Variants in THNSL1 observed in about 807,000 individuals in gnomAD.
The protein encoded by THNSL1 is threonine synthase like 1, also known as threonine synthase-like 1.
A neutral mutation model predicts 50.4 loss-of-function variants in THNSL1; 48 were observed. The observed-to-expected ratio is 0.95, with a 90% CI of 0.76 to 1.21. THNSL1 has a LOEUF of 1.21. Among genes scored for constraint, THNSL1 ranks in the 50% most tolerant of loss-of-function variants. THNSL1 has a pLI of 0.00. For missense variants in THNSL1, 896 were observed against 871.7 expected (o/e 1.03, Z -0.35); for synonymous variants, 309 against 306.1 (o/e 1.01, Z -0.10).
the THNSL1 span, chr10:24,984,797 T>G: frequency 6.2e-7 from 1 of 1,613,966 alleles, no homozygotes; most frequent in African/African-American, 1.3e-5. Flanking sequence ...TCTAGTTGTT[T>G]CATTTCTTCT....
At chr10:24,957,464 ATGTTTGTTTGTTTGTT>A in the THNSL1 span, among the ~76,000 whole-genome samples, 2 of 150,588 alleles carry the variant, frequency 1.3e-5, no homozygotes, top group South Asian at 2.1e-4. Flanking sequence ...TTTTGAGTTG[ATGTTTGTTTGTTTGTT>A]TGTTTGTTTG....
the THNSL1 span, among the ~76,000 whole-genome samples, chr10:24,957,442 T>C: frequency 6.6e-6 from 1 of 150,708 alleles, no homozygotes; most frequent in Non-Finnish European, 1.5e-5. Flanking sequence ...AGGTTTTACA[T>C]GGCAGTCTTT....
In THNSL1 at chr10:25,023,949, T is replaced by C. The variant is rs1273862201; in HGVS notation, c.726T>C (p.Cys242=). The C allele has an allele frequency of 6.2e-7, 1 of 1,614,184 alleles. No individual in the cohort carries two copies. Among genetic ancestry groups the C allele is most frequent in the Non-Finnish European group, 8.5e-7 (1 of 1,180,016 alleles). The change falls in exon 3 of 3, where the codon TGT becomes TGC. Residue 242 remains cysteine (C), a synonymous_variant. Transcript: ENST00000376356. ...ISTRHVWPED[C]EQKVSAKFFS... is the part of the protein sequence containing the mutation. ...CAAGACACGTTTGGCCTGAAGACTG[T>C]GAACAGAAGGTTTCAGCAAAATTCT...
chr10:24,984,076 TCTC>T, the THNSL1 span: 1 of 337,482 alleles, frequency 3.0e-6, no homozygotes, highest in Non-Finnish European at 5.3e-6. Flanking sequence ...AGGAGGCTAT[TCTC>T]CTTAATCATC....
the THNSL1 span, among the ~76,000 whole-genome samples, chr10:24,973,793 G>T: frequency 6.6e-6 from 1 of 151,616 alleles, no homozygotes. Flanking sequence ...TCCCTCTTTC[G>T]CCCAGGCTGG....
At chr10:25,002,087 C>T in the THNSL1 span, among the ~76,000 whole-genome samples, 1 of 151,998 alleles carries the variant, frequency 6.6e-6, no homozygotes, top group Non-Finnish European at 1.5e-5. Context: ...AGGGTAATTC[C>T]ACAAGTGCTT....
At chr10:25,022,362 A>T (rs548862651) in intron 2 of THNSL1, among the ~76,000 whole-genome samples, 8 of 152,300 alleles carry the variant, frequency 5.3e-5, no homozygotes, top group African/African-American at 1.9e-4. Flanking sequence ...CTCTCCACTG[A>T]TGATTATAGG....
the THNSL1 span, among the ~76,000 whole-genome samples, chr10:24,976,192 G>A: frequency 8.8e-4 from 134 of 152,342 alleles, no homozygotes; most frequent in Middle Eastern, 0.027. Context: ...GGCGAGAAGT[G>A]TACAGTTTGC....
chr10:25,005,635 A>C, the THNSL1 span, among the ~76,000 whole-genome samples: 1 of 152,228 alleles, frequency 6.6e-6, no homozygotes, highest in Non-Finnish European at 1.5e-5. Context: ...TTTTACACGT[A>C]CACAGATATC....
the THNSL1 span, chr10:24,990,458 C>T: frequency 6.2e-7 from 1 of 1,609,516 alleles, no homozygotes. Flanking sequence ...TGGCAGAACA[C>T]ACACCTGCAA....
At chr10:24,977,031 C>T in the THNSL1 span, among the ~76,000 whole-genome samples, 1 of 152,094 alleles carries the variant, frequency 6.6e-6, no homozygotes. Flanking sequence ...AAAACATAGG[C>T]ATTAAAAATC....
At chr10:24,987,513 G>A in the THNSL1 span, among the ~76,000 whole-genome samples, 7 of 152,118 alleles carry the variant, frequency 4.6e-5, no homozygotes, top group Non-Finnish European at 7.4e-5. Flanking sequence ...GCCAGGCATG[G>A]TGGTATCCCA....
chr10:24,999,667 T>A, the THNSL1 span: 1 of 930,748 alleles, frequency 1.1e-6, no homozygotes, highest in South Asian at 1.7e-5. Flanking sequence ...TGGAAAAGCA[T>A]AATCATAAAA....
chr10:24,965,079 T>C, the THNSL1 span, among the ~76,000 whole-genome samples: 1 of 151,332 alleles, frequency 6.6e-6, no homozygotes, highest in South Asian at 2.1e-4. Flanking sequence ...AAAAAAAAAT[T>C]AGAACCATCC....
chr10:24,959,841 A>G, the THNSL1 span, among the ~76,000 whole-genome samples: 3 of 152,244 alleles, frequency 2.0e-5, no homozygotes, highest in Non-Finnish European at 2.9e-5. Context: ...AATATTTTAT[A>G]TATAACACTG....
chr10:24,999,655 T>C, the THNSL1 span: 1 of 1,013,738 alleles, frequency 9.9e-7, no homozygotes, highest in Non-Finnish European at 1.4e-6. Flanking sequence ...TCTATATTCG[T>C]ATGGAAAAGC....
At chr10:24,968,665 G>T in the THNSL1 span, among the ~76,000 whole-genome samples, 1 of 152,182 alleles carries the variant, frequency 6.6e-6, no homozygotes, top group Non-Finnish European at 1.5e-5. Context: ...TTGGATAAGT[G>T]AATTCAGTAC....
chr10:25,021,666 T>TTA (rs1004634839), intron 1 of THNSL1, 76 bp from the exon 2 acceptor site: 1 of 152,232 alleles, frequency 6.6e-6, no homozygotes, highest in Non-Finnish European at 1.5e-5. Context: ...GCTTTTCAAA[T>TTA]AATAGACTAG....
chr10:25,015,898 G>A, upstream of THNSL1: 3 of 1,608,114 alleles, frequency 1.9e-6, no homozygotes, highest in East Asian at 2.2e-5. Context: ...CACTGGGTAT[G>A]AGGTTATAAA....
Sources: allele counts gnomAD v4.1 joint callset (sites outside exome capture counted in the v4.1 genomes callset), GRCh38; gene constraint gnomAD v4.1.1; transcripts MANE v1.5; gene names NCBI Gene and HGNC (gene_info 2026-07-23, HGNC 2026-07-21).